ADAMTSL1: variants seen among roughly 807,000 people sequenced by gnomAD.
The protein encoded by ADAMTSL1 is ADAMTS like 1, also known as ADAMTS-like protein 1.
A neutral mutation model predicts 201.8 loss-of-function variants in ADAMTSL1; 126 were observed. The ratio of observed to expected loss-of-function variants is 0.62; its 90% CI spans 0.54 to 0.72. ADAMTSL1 has a LOEUF of 0.72. ADAMTSL1 is among the 30% of genes least tolerant of loss of function. The pLI is 0.00. For synonymous variants in ADAMTSL1, 1,121 were observed against 903.4 expected (o/e 1.24, Z -4.32); for missense variants, 2,679 against 2,277.8 (o/e 1.18, Z -3.59).
chr9:18,892,239 C>A, intron 25 of ADAMTSL1, 150 bp from the exon 26 acceptor site: 2 of 717,484 alleles, frequency 2.8e-6, no homozygotes, highest in Non-Finnish European at 4.5e-6. Flanking sequence ...AGTCATTTTT[C>A]AGCCTATCAA....
chr9:18,051,778 C>T (rs1017630272), intron 1 of ADAMTSL1, among the ~76,000 whole-genome samples: 7 of 152,108 alleles, frequency 4.6e-5, no homozygotes, highest in South Asian at 4.1e-4. Flanking sequence ...TCTGACACAG[C>T]GATGCCATTT....
At chr9:18,126,044 C>T (rs1422362146) in intron 1 of ADAMTSL1, among the ~76,000 whole-genome samples, 1 of 152,204 alleles carries the variant, frequency 6.6e-6, no homozygotes, top group Non-Finnish European at 1.5e-5. Flanking sequence ...AAAACCTCAA[C>T]ACCGTCATGG....
At chr9:18,771,043 T>C (rs925544664) in intron 17 of ADAMTSL1, among the ~76,000 whole-genome samples, 6 of 152,154 alleles carry the variant, frequency 3.9e-5, no homozygotes, top group African/African-American at 7.2e-5. Flanking sequence ...CCAGACCTCA[T>C]TGGTGCTGTT....
rs1830448659 is a variant in ADAMTSL1, at chr9:18,908,725, C to T, written c.*177C>T. 1 of 568,020 alleles carries T rather than the reference C, an allele frequency of 1.8e-6. No individual in the cohort carries two copies. The highest frequency in any genetic ancestry group is 3.1e-6 in the Non-Finnish European group (1 of 319,702). 35.2% of individuals were successfully genotyped at this position (568,020 alleles called of 1,614,324 possible). On this transcript the variant is annotated 3_prime_UTR_variant, in exon 29 of 29. Transcript: ENST00000380548. ...GCATAAGGACGTCCGCGTGTTTTCT[C>T]TTTCAGTTAGCTGGAGGACAGGATG...
chr9:17,988,070 T>G (rs997559273), intron 1 of ADAMTSL1, among the ~76,000 whole-genome samples: 1 of 152,136 alleles, frequency 6.6e-6, no homozygotes, highest in African/African-American at 2.4e-5. Context: ...CTGGTGTTGA[T>G]TGCTGGTTCC....
chr9:18,465,835 G>A (rs1023712131), intron 2 of ADAMTSL1, among the ~76,000 whole-genome samples: 4 of 149,890 alleles, frequency 2.7e-5, no homozygotes, highest in South Asian at 2.1e-4. Context: ...TGCAACCTCC[G>A]CCTCCTGGGT....
chr9:18,327,955 GT>G (rs1168177950), intron 2 of ADAMTSL1, among the ~76,000 whole-genome samples: 1 of 152,000 alleles, frequency 6.6e-6, no homozygotes, highest in East Asian at 1.9e-4. Flanking sequence ...TTGTTTGTTT[GT>G]TTTTTCCTGT....
At chr9:18,265,726 A>T (rs1274439623) in intron 2 of ADAMTSL1, among the ~76,000 whole-genome samples, 2 of 152,228 alleles carry the variant, frequency 1.3e-5, no homozygotes, top group Non-Finnish European at 2.9e-5. Context: ...TGTCTTTTAA[A>T]ATAATCTTAA....
chr9:18,194,930 A>C (rs1305254310), intron 2 of ADAMTSL1, among the ~76,000 whole-genome samples: 1 of 152,128 alleles, frequency 6.6e-6, no homozygotes, highest in Non-Finnish European at 1.5e-5. Flanking sequence ...ACATCTTTTC[A>C]GAAGTTATTA....
At chr9:18,806,063 A>AT (rs1202279922) in intron 20 of ADAMTSL1, among the ~76,000 whole-genome samples, 1 of 152,208 alleles carries the variant, frequency 6.6e-6, no homozygotes. Flanking sequence ...AGGGGAAATT[A>AT]TTTTGAAGTA....
chr9:18,512,905 C>T (rs1015362169), intron 2 of ADAMTSL1, among the ~76,000 whole-genome samples: 1 of 152,068 alleles, frequency 6.6e-6, no homozygotes, highest in African/African-American at 2.4e-5. Context: ...CATTTTATTT[C>T]TTCAATCTGT....
At chr9:18,507,908 G>A (rs774037838) in intron 2 of ADAMTSL1, among the ~76,000 whole-genome samples, 2 of 152,168 alleles carry the variant, frequency 1.3e-5, no homozygotes, top group Non-Finnish European at 2.9e-5. Flanking sequence ...AGTTTGGCCA[G>A]GCACAGTGGC....
intron 2 of ADAMTSL1, among the ~76,000 whole-genome samples, chr9:18,312,595 C>T (rs768456147): frequency 1.3e-5 from 2 of 152,154 alleles, no homozygotes; most frequent in Admixed American, 1.3e-4. Flanking sequence ...GACGTTCCCA[C>T]TGGGTATTTT....
intron 14 of ADAMTSL1, among the ~76,000 whole-genome samples, chr9:18,711,354 A>G (rs1587954213): frequency 6.6e-6 from 1 of 152,202 alleles, no homozygotes; most frequent in African/African-American, 2.4e-5. Context: ...CTCACTAGGG[A>G]GTGCCAGACA....
intron 2 of ADAMTSL1, among the ~76,000 whole-genome samples, chr9:18,460,585 G>A (rs1315860643): frequency 6.6e-6 from 1 of 152,166 alleles, no homozygotes; most frequent in African/African-American, 2.4e-5. Flanking sequence ...GAAATCTGAA[G>A]CAGAGTGAAT....
chr9:18,080,275 G>C (rs1823435736), intron 1 of ADAMTSL1, among the ~76,000 whole-genome samples: 1 of 152,102 alleles, frequency 6.6e-6, no homozygotes, highest in Non-Finnish European at 1.5e-5. Context: ...AGAGATATAA[G>C]GTAAGGTATT....
At chr9:18,375,787 C>A (rs1332522778) in intron 2 of ADAMTSL1, among the ~76,000 whole-genome samples, 2 of 152,218 alleles carry the variant, frequency 1.3e-5, no homozygotes, top group Non-Finnish European at 2.9e-5. Context: ...AGCTTTTATT[C>A]CCTTTTTTGT....
At chr9:18,167,061 A>G (rs1301112329) in intron 2 of ADAMTSL1, among the ~76,000 whole-genome samples, 3 of 151,972 alleles carry the variant, frequency 2.0e-5, no homozygotes, top group Admixed American at 1.3e-4. Context: ...CTAAACTTCC[A>G]GTGATTGCCT....
chr9:18,003,020 G>A (rs1819674619), intron 1 of ADAMTSL1, among the ~76,000 whole-genome samples: 1 of 151,976 alleles, frequency 6.6e-6, no homozygotes, highest in African/African-American at 2.4e-5. Flanking sequence ...AGCTAATATT[G>A]ACCATGAGCT....
Sources: gnomAD v4.1 joint callset for allele counts (sites outside exome capture counted in the v4.1 genomes callset) on GRCh38, gnomAD v4.1.1 for gene constraint, MANE v1.5 for transcripts, NCBI Gene and HGNC (gene_info 2026-07-23, HGNC 2026-07-21) for gene names.